The following ADCK5 variants were observed in gnomAD, a reference collection of about 807,000 sequenced individuals.
ADCK5 encodes aarF domain containing kinase 5.
ADCK5 carries 43 observed loss-of-function variants against 64.9 expected under a neutral mutation model. The ratio of observed to expected loss-of-function variants is 0.66; its 90% CI spans 0.52 to 0.85. The LOEUF (loss-of-function observed/expected upper bound fraction) is 0.85, where lower values mean the gene tolerates loss of function less well. Ranked by LOEUF, ADCK5 falls within the 40% of genes least tolerant of loss-of-function variation. The pLI, the probability that ADCK5 is intolerant of heterozygous loss-of-function variation, is 0.00. For missense variants in ADCK5, 760 were observed against 810.5 expected (o/e 0.94, Z 0.76); for synonymous variants, 434 against 342.8 (o/e 1.27, Z -2.94).
chr8:144,383,246 G>T lies in ADCK5; in HGVS notation c.266+16G>T. 1 of 1,554,134 alleles carries T rather than the reference G, an allele frequency of 6.4e-7. No individual in the cohort carries two copies. Among genetic ancestry groups the T allele is most frequent in the Non-Finnish European group, 8.7e-7 (1 of 1,148,704 alleles). Reference sequence around the variant, plus strand: ...GCTTTGGCAGGTAGGAGGGCCTGGCGGCAGGCAGGGGTTGCGGCGTGGCGG... The same window carrying T: ...GCTTTGGCAGGTAGGAGGGCCTGGCTGCAGGCAGGGGTTGCGGCGTGGCGG... On this transcript the variant is annotated intron_variant, in intron 3 of 14. Transcript: ENST00000308860.
intron 3 of ADCK5, among the ~76,000 whole-genome samples, chr8:144,387,795 G>C (rs1554859539): frequency 6.7e-6 from 1 of 148,592 alleles, no homozygotes; most frequent in Non-Finnish European, 1.5e-5. Context: ...GCAATGGTGG[G>C]ATCTCCGCTC....
intron 10 of ADCK5, 28 bp from the exon 11 acceptor site, chr8:144,392,064 A>C (rs782680934): frequency 1.9e-6 from 3 of 1,612,058 alleles, no homozygotes; most frequent in Non-Finnish European, 2.5e-6. Context: ...GGGTGGGCGC[A>C]GCGCGACCTA....
chr8:144,390,557 G>A, intron 3 of ADCK5, 114 bp from the exon 4 acceptor site: 1 of 1,147,280 alleles, frequency 8.7e-7, no homozygotes, highest in Non-Finnish European at 1.3e-6. Flanking sequence ...CCTCACCCTT[G>A]GGACATGAAG....
chr8:144,389,405 C>G, intron 3 of ADCK5: 1 of 455,504 alleles, frequency 2.2e-6, no homozygotes, highest in Non-Finnish European at 4.4e-6. Context: ...TTTACCTTCA[C>G]AGACAGCCTT....
Position 144,391,880 on chromosome 8 carries a change from G to C in ADCK5, c.1014+14G>C. The stretch of plus-strand genomic sequence containing the variant: ...GCAGTGCATGACGTGAGTGCGGGGG[G>C]GCGGGGGCGGGTCAGGGCGGGCTGG... On this transcript the variant is annotated intron_variant, in intron 9 of 14. Coordinates refer to ENST00000308860, the MANE Select transcript of ADCK5 (RefSeq NM_174922.5). 4 of 1,597,556 alleles carry C rather than the reference G, an allele frequency of 2.5e-6. No individual in the cohort carries two copies. Among genetic ancestry groups the C allele is most frequent in the South Asian group, 1.1e-5 (1 of 89,214 alleles).
rs1554861382 is a variant in ADCK5 at position 144,392,595 on chromosome 8, T to C, written c.1418T>C (p.Leu473Pro). The C allele has an allele frequency of 5.7e-6, 9 of 1,580,240 alleles. No homozygotes were observed. The highest frequency in any genetic ancestry group is 2.7e-5 in the African/African-American group (2 of 74,500). ...FEAVMAVLRE[L>P]PRPMLLVLRN... ...GCCGTCATGGCGGTGCTCAGGGAGCTGCCGCGGCCCATGCTGCTGGTGCTG... is the reference window on the plus strand; with the variant it reads ...GCCGTCATGGCGGTGCTCAGGGAGCCGCCGCGGCCCATGCTGCTGGTGCTG... The change falls in exon 13 of 15, where the codon CTG becomes CCG. Residue 473 changes from leucine (L) to proline (P), a missense_variant. Physicochemically the swap from Leu to Pro is moderately conservative, Grantham distance 98. Transcript: ENST00000308860.
intron 2 of ADCK5, 92 bp from the exon 3 acceptor site, chr8:144,382,989 G>A (rs1554858580): frequency 7.3e-6 from 11 of 1,505,502 alleles, no homozygotes; most frequent in South Asian, 3.7e-5. Flanking sequence ...GCACACAGGA[G>A]TGAGACGTGG....
chr8:144,379,270 A>C, intron 1 of ADCK5, 117 bp from the exon 2 acceptor site: 1 of 655,564 alleles, frequency 1.5e-6, no homozygotes, highest in South Asian at 2.5e-5. Flanking sequence ...ATGGACTCAC[A>C]CATTAGGTTT....
At position 144,391,814 on chromosome 8, in the gene ADCK5, G is replaced by A; in HGVS notation, c.962G>A (p.Cys321Tyr). 1 of 1,519,100 alleles carries A rather than the reference G, an allele frequency of 6.6e-7. No individual in the cohort carries two copies. The highest frequency in any genetic ancestry group is 8.8e-7 in the Non-Finnish European group (1 of 1,134,294). The allele number at this position is 1,519,100 out of a possible 1,614,324, so 94.1% of individuals were successfully genotyped here. Residue 321 changes from cysteine to tyrosine, a missense_variant, in exon 9 of 15, where the codon TGC (cysteine) becomes TAC (tyrosine). Physicochemically the swap from Cys to Tyr is radical, Grantham distance 194. This residue lies in a region of ADCK5 where 427 missense variants were observed against 518.4 expected (regional missense o/e 0.82). Coordinates refer to ENST00000308860, the MANE Select transcript of ADCK5 (RefSeq NM_174922.5). Reference sequence around the variant, plus strand: ...CTCACTGCCGACTTCTGCGCCGGCTGCAAGGTCAACGATGTGGAGGCCATC... The same window carrying A: ...CTCACTGCCGACTTCTGCGCCGGCTACAAGGTCAACGATGTGGAGGCCATC... ...RVLTADFCAG[C>Y]KVNDVEAIRS... is the part of the protein sequence containing the mutation.
rs1370130918 is a variant in ADCK5 at position 144,392,626 on chromosome 8, C to G, written c.1449C>G (p.Asn483Lys). 6.3e-7 allele frequency: 1 copy of G among 1,592,932 alleles called. No homozygotes were observed. The highest frequency in any genetic ancestry group is 1.3e-5 in the African/African-American group (1 of 74,686). Residue 483 changes from asparagine to lysine, a missense_variant, in exon 13 of 15, where the codon AAC becomes AAG. This residue lies in a region of ADCK5 where 333 missense variants were observed against 292.0 expected (regional missense o/e 1.14). Coordinates refer to ENST00000308860, the MANE Select transcript of ADCK5 (RefSeq NM_174922.5). Reference protein sequence around the residue: ...LPRPMLLVLRNINTVRAINVA... With the variant: ...LPRPMLLVLRKINTVRAINVA... ...GGCCCATGCTGCTGGTGCTGCGCAA[C>G]ATCAACACCGTGCGCGCTATCAACG... is the stretch of plus-strand genomic sequence containing the variant.
At chr8:144,373,651 C>T (rs1554856498), upstream of ADCK5, among the ~76,000 whole-genome samples, 1 of 152,234 alleles carries the variant, frequency 6.6e-6, no homozygotes. Flanking sequence ...CTCACACAGG[C>T]AGGTGGTGAG....
At chr8:144,379,202 G>A (rs531803495) in intron 1 of ADCK5, among the ~76,000 whole-genome samples, 185 bp from the exon 2 acceptor site, 5 of 152,112 alleles carry the variant, frequency 3.3e-5, no homozygotes, top group South Asian at 4.1e-4. Flanking sequence ...TAAAGTTCTG[G>A]GATTAAAGGT....
upstream of ADCK5, chr8:144,373,978 C>G: frequency 4.3e-6 from 5 of 1,154,828 alleles, no homozygotes; most frequent in Non-Finnish European, 5.5e-6. Context: ...TCGCCCACCG[C>G]CCACGGGGCG....
rs562979225 is a variant in ADCK5 at position 144,384,065 on chromosome 8, T to G, written c.266+835T>G. 1.3e-3 allele frequency among the ~76,000 whole-genome samples: 190 copies of G among 151,646 alleles called. No homozygotes were observed. Among genetic ancestry groups the G allele is most frequent in the African/African-American group, 4.2e-3 (174 of 41,340 alleles). On this transcript the variant is annotated intron_variant, in intron 3 of 14. Transcript: ENST00000308860. The surrounding 1 kb of genome is among the most constrained non-coding windows in gnomAD (Gnocchi z 5.7). ...CACCACCATGCCTGGCTAAATTATT[T>G]ATTTATTTATTTATTTATTTAGTAT...
rs1554861275 is a variant in ADCK5 at position 144,392,459 on chromosome 8, G to A, written c.1282G>A (p.Ala428Thr). The A allele has an allele frequency of 5.5e-6, 8 of 1,442,618 alleles. No homozygotes were observed. The highest frequency in any genetic ancestry group is 1.2e-5 in the South Asian group (1 of 81,932). The allele number at this position is 1,442,618 out of a possible 1,614,324, so 89.4% of individuals were successfully genotyped here. A position where few individuals can be genotyped will look rare whatever the true frequency, so the allele number is the denominator to read the frequency against. ...TCCCTCCCCAGACTACCTCCTGTTC[G>A]CCGAGATGCTCATGCAGCGCCCCGT... Reference protein sequence around the residue: ...ALGVQDYLLFAEMLMQRPVRL... With the variant: ...ALGVQDYLLFTEMLMQRPVRL... The change falls in exon 13 of 15, where the codon GCC becomes ACC. Residue 428 changes from alanine to threonine, a missense_variant. This residue lies in a region of ADCK5 where 333 missense variants were observed against 292.0 expected (regional missense o/e 1.14). Transcript: ENST00000308860.
intron 3 of ADCK5, chr8:144,389,238 C>T (rs1820090852): frequency 2.2e-6 from 1 of 456,388 alleles, no homozygotes; most frequent in Middle Eastern, 3.3e-4. Flanking sequence ...CACTTCCTGC[C>T]TTAACTGGGC....
intron 3 of ADCK5, 96 bp from the exon 4 acceptor site, chr8:144,390,575 C>A: frequency 7.7e-7 from 1 of 1,299,256 alleles, no homozygotes; most frequent in Non-Finnish European, 1.1e-6. Flanking sequence ...AAGGGCTGGC[C>A]GGGGTGAGGC....
chr8:144,391,947 G>A lies in ADCK5; in HGVS notation c.1021G>A (p.Glu341Lys). The A allele has an allele frequency of 6.2e-7, 1 of 1,612,670 alleles. No individual in the cohort carries two copies. Among genetic ancestry groups the A allele is most frequent in the Non-Finnish European group, 8.5e-7 (1 of 1,179,992 alleles). Reference sequence around the variant, plus strand: ...ATGCCTCTCCTCTCCCCAGATAGCAGAAAAGCTCATCAAGGCCTTTGCTGA... The same window carrying A: ...ATGCCTCTCCTCTCCCCAGATAGCAAAAAAGCTCATCAAGGCCTTTGCTGA... ...SQGLAVHDIA[E>K]KLIKAFAEQI... Residue 341 changes from glutamate to lysine, a missense_variant, in exon 10 of 15, where the codon GAA (glutamate) becomes AAA (lysine). Glu to Lys is a moderately conservative substitution (Grantham distance 56). Around this residue, in one of 2 missense-constraint regions of ADCK5, gnomAD observed 427 missense variants for 518.4 expected, o/e 0.82. Coordinates refer to ENST00000308860, the MANE Select transcript of ADCK5 (RefSeq NM_174922.5).
At chr8:144,387,990 C>T (rs1190801858) in intron 3 of ADCK5, among the ~76,000 whole-genome samples, 1 of 151,992 alleles carries the variant, frequency 6.6e-6, no homozygotes, top group East Asian at 1.9e-4. Flanking sequence ...CCTTGGCCTC[C>T]CAAAGTGCTG....
Sources: allele counts gnomAD v4.1 joint callset (sites outside exome capture counted in the v4.1 genomes callset), GRCh38; gene constraint gnomAD v4.1.1; regional missense constraint gnomAD v4.1.1; non-coding constraint Gnocchi (gnomAD v3.1); transcripts MANE v1.5; gene names NCBI Gene and HGNC (gene_info 2026-07-23, HGNC 2026-07-21).